The following PLCE1 variants were observed in gnomAD, a reference collection of about 807,000 sequenced individuals.
The protein encoded by PLCE1 is 1-phosphatidylinositol 4,5-bisphosphate phosphodiesterase epsilon-1.
A neutral mutation model predicts 242.8 loss-of-function variants in PLCE1; 119 were observed. The ratio of observed to expected loss-of-function variants is 0.49; its 90% CI spans 0.42 to 0.57. PLCE1 has a LOEUF of 0.57. Ranked by LOEUF, PLCE1 falls within the 20% of genes least tolerant of loss-of-function variation. The probability of loss-of-function intolerance (pLI) is 0.00; values close to 1 mark genes in which losing one functional copy is unlikely to be tolerated. For missense variants in PLCE1, 2,441 were observed against 2,788.8 expected, an observed-to-expected ratio of 0.88 and a Z score of 2.81; for synonymous variants, 945 against 1,017.4, an observed-to-expected ratio of 0.93 and a Z score of 1.35.
Position 94,030,779 on chromosome 10 carries a change from AT to A in PLCE1, c.-264del. ...AATCCCGAGTAAAAGTCTTCAAAAAATTTTGCTTCAGGTAACAGAGGAAGGA... is the reference window on the plus strand; with the variant it reads ...AATCCCGAGTAAAAGTCTTCAAAAAATTTGCTTCAGGTAACAGAGGAAGGA... On this transcript the variant is annotated 5_prime_UTR_variant, in exon 2 of 33. An upstream open reading frame in the 5' UTR gains an earlier in-frame stop. Coordinates refer to ENST00000371380, the MANE Select transcript of PLCE1 (RefSeq NM_016341.4). 2 of 469,420 alleles carry A rather than the reference AT, an allele frequency of 4.3e-6. No homozygotes were observed. The highest frequency in any genetic ancestry group is 7.7e-6 in the Non-Finnish European group (2 of 260,728). 29.1% of individuals were successfully genotyped at this position (469,420 alleles called of 1,614,324 possible).
intron 2 of PLCE1, among the ~76,000 whole-genome samples, chr10:94,071,495 G>GTTTTTC (rs2044352147): frequency 1.2e-5 from 1 of 83,316 alleles, no homozygotes; most frequent in African/African-American, 5.4e-5. Flanking sequence ...TTTGGTTTTC[G>GTTTTTC]TTTTTTTTTT....
Position 94,031,225 on chromosome 10 carries a change from T to G in PLCE1, c.179T>G (p.Leu60Arg). ...TSHTISQLNK[L>R]KEEPSGSNLP... ...CATACCATCTCACAACTGAACAAACTTAAAGAAGAACCTTCTGGAAGCAAC... is the reference window on the plus strand; with the variant it reads ...CATACCATCTCACAACTGAACAAACGTAAAGAAGAACCTTCTGGAAGCAAC... Residue 60 changes from leucine (L) to arginine (R), a missense_variant, in exon 2 of 33, where the codon CTT becomes CGT. Physicochemically the swap from Leu to Arg is moderately radical, Grantham distance 102 (BLOSUM62 -2). Around this residue, in one of 5 missense-constraint regions of PLCE1, gnomAD observed 393 missense variants for 378.5 expected, o/e 1.04. Transcript: ENST00000371380. 6.2e-7 allele frequency: 1 copy of G among 1,613,778 alleles called. No homozygotes were observed. The highest frequency in any genetic ancestry group is 8.5e-7 in the Non-Finnish European group (1 of 1,179,846).
chr10:93,997,632 CTT>C (rs34338995), intron 1 of PLCE1, among the ~76,000 whole-genome samples: 15,018 of 80,840 alleles, frequency 0.19, 595 homozygotes, highest in Non-Finnish European at 0.22. Flanking sequence ...AATAACCATC[CTT>C]TTTTTTTTTT....
intron 2 of PLCE1, among the ~76,000 whole-genome samples, chr10:94,109,728 A>G (rs1227901113): frequency 6.6e-6 from 1 of 152,248 alleles, no homozygotes; most frequent in African/African-American, 2.4e-5. Context: ...TTGCCTCTGC[A>G]ACCAGCAAAT....
intron 8 of PLCE1, among the ~76,000 whole-genome samples, chr10:94,249,548 G>A (rs1317557779): frequency 6.6e-6 from 1 of 152,102 alleles, no homozygotes; most frequent in African/African-American, 2.4e-5. Context: ...TTTGGGAAGT[G>A]CTTATATGGA....
At chr10:94,007,940 G>A (rs949780971) in intron 1 of PLCE1, among the ~76,000 whole-genome samples, 1 of 150,990 alleles carries the variant, frequency 6.6e-6, no homozygotes, top group Non-Finnish European at 1.5e-5. Context: ...CACTTTGGTA[G>A]GCCAAAGTGG....
intron 1 of PLCE1, among the ~76,000 whole-genome samples, chr10:94,000,600 A>T (rs935711022): frequency 6.6e-6 from 1 of 152,176 alleles, no homozygotes; most frequent in African/African-American, 2.4e-5. Context: ...GATAATTTTT[A>T]TTGTTGTTAC....
At chr10:94,113,828 G>A (rs890774206) in intron 2 of PLCE1, among the ~76,000 whole-genome samples, 2 of 152,134 alleles carry the variant, frequency 1.3e-5, no homozygotes, top group African/African-American at 4.8e-5. Context: ...GGTAATAATG[G>A]AGGAGGGGGT....
intron 2 of PLCE1, among the ~76,000 whole-genome samples, chr10:94,089,638 A>G (rs980496954): frequency 1.5e-4 from 23 of 152,234 alleles, no homozygotes; most frequent in Non-Finnish European, 2.4e-4. Context: ...ATGTTAATCT[A>G]CAAGATCTCG....
intron 1 of PLCE1, among the ~76,000 whole-genome samples, chr10:94,017,938 G>C (rs779513691): frequency 2.1e-4 from 32 of 152,138 alleles, no homozygotes; most frequent in Non-Finnish European, 4.4e-4. Context: ...ATTAAATCAG[G>C]ATCATTTTAC....
chr10:94,324,231 G>GGAA, intron 30 of PLCE1, 118 bp from the exon 31 acceptor site: 1 of 818,560 alleles, frequency 1.2e-6, no homozygotes, highest in East Asian at 2.4e-5. Flanking sequence ...GAAATGATCT[G>GGAA]GAAGATCCCC....
chr10:94,196,738 G>A (rs2136691336), intron 4 of PLCE1, among the ~76,000 whole-genome samples: 1 of 152,240 alleles, frequency 6.6e-6, no homozygotes, highest in Non-Finnish European at 1.5e-5. Flanking sequence ...TTCTAGAAGT[G>A]TTGCTAGAAG....
At chr10:94,219,797 A>G (rs1392895812) in intron 4 of PLCE1, among the ~76,000 whole-genome samples, 1 of 152,168 alleles carries the variant, frequency 6.6e-6, no homozygotes, top group African/African-American at 2.4e-5. Context: ...AATACTGGAG[A>G]CGTAAATTTA....
intron 4 of PLCE1, among the ~76,000 whole-genome samples, chr10:94,184,869 G>A (rs2048424040): frequency 6.6e-6 from 1 of 151,686 alleles, no homozygotes; most frequent in Admixed American, 6.6e-5. Flanking sequence ...TATCTCCTTA[G>A]GCTAGAAACT....
intron 3 of PLCE1, chr10:94,137,781 T>A (rs1316218858): frequency 5.2e-6 from 1 of 193,352 alleles, no homozygotes; most frequent in Non-Finnish European, 1.1e-5. Context: ...AGGAGGAAAG[T>A]CTGTTACTAC....
At chr10:94,051,486 T>C (rs4918045) in intron 2 of PLCE1, among the ~76,000 whole-genome samples, 59,060 of 151,756 alleles carry the variant, frequency 0.39, 14,210 homozygotes, top group African/African-American at 0.69. Context: ...AAAAAAGAAG[T>C]CATGCCCATC....
At chr10:94,001,254 T>C (rs914227194) in intron 1 of PLCE1, among the ~76,000 whole-genome samples, 5 of 152,178 alleles carry the variant, frequency 3.3e-5, no homozygotes, top group Non-Finnish European at 7.3e-5. Flanking sequence ...GCCCAAAACC[T>C]CTTATCTCTC....
At chr10:94,193,010 T>C (rs1334470884) in intron 4 of PLCE1, among the ~76,000 whole-genome samples, 3 of 152,182 alleles carry the variant, frequency 2.0e-5, no homozygotes, top group Non-Finnish European at 4.4e-5. Context: ...GCTATGCTCA[T>C]TTATGTGTTG....
intron 4 of PLCE1, among the ~76,000 whole-genome samples, chr10:94,214,481 T>C (rs1389983532): frequency 6.6e-6 from 1 of 152,170 alleles, no homozygotes; most frequent in Admixed American, 6.5e-5. Context: ...GATTTAATTA[T>C]CTTCTTCTTA....
Sources: allele counts gnomAD v4.1 joint callset (sites outside exome capture counted in the v4.1 genomes callset), GRCh38; gene constraint gnomAD v4.1.1; regional missense constraint gnomAD v4.1.1; transcripts MANE v1.5; gene names NCBI Gene and HGNC (gene_info 2026-07-23, HGNC 2026-07-21).